The following CCDC38 variants were observed in gnomAD, a reference collection of about 807,000 sequenced individuals.
CCDC38 encodes the protein coiled-coil domain-containing protein 38.
CCDC38 carries 69 observed loss-of-function variants against 72.8 expected under a neutral mutation model. The observed-to-expected ratio is 0.95, with a 90% CI of 0.78 to 1.16. The LOEUF (loss-of-function observed/expected upper bound fraction) is 1.16. CCDC38 is among the 50% of genes most tolerant of loss of function. The pLI, the probability that CCDC38 is intolerant of heterozygous loss-of-function variation, is 0.00. For synonymous variants in CCDC38, 201 were observed against 213.2 expected (o/e 0.94, Z 0.50); for missense variants, 626 against 638.9 (o/e 0.98, Z 0.22).
At position 95,890,821 on chromosome 12, in the gene CCDC38, T is replaced by C. The variant is rs1161256291; in HGVS notation, c.871+11A>G. ...AGGTTTTACTTTCATGAGTCCCAAA[T>C]CTACCTTTACCTTGGCTGTCTCTTC... On this transcript the variant is annotated intron_variant, in intron 9 of 15. Coordinates refer to ENST00000344280, the MANE Select transcript of CCDC38 (RefSeq NM_182496.3). The C allele has an allele frequency of 1.3e-6, 2 of 1,546,028 alleles. No homozygotes were observed. Among genetic ancestry groups the C allele is most frequent in the East Asian group, 4.5e-5 (2 of 44,376 alleles).
intron 5 of CCDC38, among the ~76,000 whole-genome samples, chr12:95,905,887 A>G (rs2121490784): frequency 6.6e-6 from 1 of 152,304 alleles, no homozygotes; most frequent in African/African-American, 2.4e-5. Context: ...TATTTTTTAT[A>G]AAAGACTCCA....
intron 1 of CCDC38, among the ~76,000 whole-genome samples, chr12:95,938,651 T>C (rs2080418410): frequency 6.6e-6 from 1 of 152,216 alleles, no homozygotes; most frequent in African/African-American, 2.4e-5. Context: ...TACTTCCATA[T>C]GCATGAATTC....
At chr12:95,937,516 G>GA (rs2136747457) in intron 1 of CCDC38, among the ~76,000 whole-genome samples, 1 of 152,132 alleles carries the variant, frequency 6.6e-6, no homozygotes, top group South Asian at 2.1e-4. Context: ...GTTACAATGA[G>GA]AAAAATAATA....
Position 95,890,964 on chromosome 12 carries a change from G to C in CCDC38, c.773-34C>G, listed in dbSNP as rs747484352. 3.3e-6 allele frequency: 4 copies of C among 1,206,388 alleles called. No individual in the cohort carries two copies. The Admixed American group carries it at 7.0e-5, about 21-fold the overall frequency. 74.7% of individuals were successfully genotyped at this position (1,206,388 alleles called of 1,614,324 possible). A position where few individuals can be genotyped will look rare whatever the true frequency, so the allele number is the denominator to read the frequency against. ...GGCAAATGAAGAGGAGAGAGACAGA[G>C]AAAGATGGGGGGAAAAAAACACTGC... is the stretch of plus-strand genomic sequence containing the variant. On this transcript the variant is annotated intron_variant, in intron 8 of 15. Coordinates refer to ENST00000344280, the MANE Select transcript of CCDC38 (RefSeq NM_182496.3).
In CCDC38 at chr12:95,878,319, C is replaced by G; in HGVS notation, c.1170G>C (p.Glu390Asp). 1 of 1,613,100 alleles carries G rather than the reference C, an allele frequency of 6.2e-7. No homozygotes were observed. The highest frequency in any genetic ancestry group is 8.5e-7 in the Non-Finnish European group (1 of 1,179,618). The change falls in exon 13 of 16, where the codon GAG (glutamate) becomes GAC (aspartate). Residue 390 changes from glutamate to aspartate, a missense_variant. Glu to Asp is a conservative substitution (Grantham distance 45). Coordinates refer to ENST00000344280, the MANE Select transcript of CCDC38 (RefSeq NM_182496.3). ...AGTTAGCTTTAAGCATTTTTTCTTG[C>G]TCCAAAAGAAACTCTATGTTGCTAT... ...KTNSNIEFLL[E>D]QEKMLKANCV...
At chr12:95,943,156 GA>G (rs956533036), upstream of CCDC38, 3 of 489,190 alleles carry the variant, frequency 6.1e-6, no homozygotes, top group Non-Finnish European at 1.1e-5. Context: ...CTCGGGATGG[GA>G]CAAGACGACC....
chr12:95,868,649 C>T (rs1003911065), intron 15 of CCDC38, among the ~76,000 whole-genome samples: 2 of 152,242 alleles, frequency 1.3e-5, no homozygotes, highest in Middle Eastern at 3.4e-3. Context: ...AATCAGCATC[C>T]GCAATAGCTT....
intron 2 of CCDC38, among the ~76,000 whole-genome samples, chr12:95,925,222 G>A (rs2080255721): frequency 6.6e-6 from 1 of 152,116 alleles, no homozygotes; most frequent in Non-Finnish European, 1.5e-5. Context: ...TCCTTGAGCA[G>A]TGGTTTGTAG....
Position 95,873,823 on chromosome 12 carries a change from G to A in CCDC38, c.1279-1363C>T, listed in dbSNP as rs1592752936. Among the ~76,000 whole-genome samples, 5 of 152,294 alleles carry A rather than the reference G, an allele frequency of 3.3e-5. 1 individual carries two copies. Among genetic ancestry groups the A allele is most frequent in the Admixed American group, 3.3e-4 (5 of 15,294 alleles). ...CCAACACAATTACAAGCCAAGATCT[G>A]ATACCAAGAGTACTTCCAACAGCTT... On this transcript the variant is annotated intron_variant, in intron 13 of 15. Transcript: ENST00000344280.
At position 95,917,590 on chromosome 12, in the gene CCDC38, G is replaced by A. The variant is rs1178344716; in HGVS notation, c.139-296C>T. Among the ~76,000 whole-genome samples the A allele has an allele frequency of 2.6e-5, 4 of 152,082 alleles. No individual in the cohort carries two copies. The South Asian group carries it at 6.2e-4, about 24-fold the overall frequency. ...AATGCAGTTAAAATTTGGAAATTCC[G>A]GGCTGGGTGCGGTAGCTCATGTCTG... On this transcript the variant is annotated intron_variant, in intron 3 of 15. Transcript: ENST00000344280.
At chr12:95,899,295 T>TTTTTG (rs1168994013) in intron 5 of CCDC38, among the ~76,000 whole-genome samples, 4 of 152,122 alleles carry the variant, frequency 2.6e-5, no homozygotes, top group Non-Finnish European at 5.9e-5. Flanking sequence ...CATGTGGTGA[T>TTTTTG]TTTTGTTTTG....
chr12:95,914,122 G>A (rs760067127), intron 4 of CCDC38, among the ~76,000 whole-genome samples: 6 of 152,142 alleles, frequency 3.9e-5, no homozygotes, highest in Non-Finnish European at 7.3e-5. Flanking sequence ...ACAGGAGTTC[G>A]AGACCACCCT....
chr12:95,918,915 G>T lies in CCDC38; in HGVS notation c.99C>A (p.Leu33=). ...DRPYKIFFRD[L]FLVKENEMAA... ...CCATTTCATTTTCTTTGACAAGAAA[G>T]AGATCTCTGAAAAAGATCTTATAAG... Residue 33 remains leucine, a synonymous_variant, in exon 3 of 16, where the codon CTC becomes CTA. Transcript: ENST00000344280. 1 of 1,612,588 alleles carries T rather than the reference G, an allele frequency of 6.2e-7. No individual in the cohort carries two copies. The highest frequency in any genetic ancestry group is 8.5e-7 in the Non-Finnish European group (1 of 1,178,684).
intron 1 of CCDC38, among the ~76,000 whole-genome samples, chr12:95,940,766 T>C (rs1026870543): frequency 1.3e-5 from 2 of 152,012 alleles, no homozygotes; most frequent in Admixed American, 1.3e-4. Flanking sequence ...CACAGCACAA[T>C]GATGAGGAAA....
intron 4 of CCDC38, 35 bp downstream of exon 4, chr12:95,917,094 C>A: frequency 1.3e-6 from 2 of 1,530,656 alleles, no homozygotes; most frequent in South Asian, 1.3e-5. Flanking sequence ...AGTAAATATT[C>A]AAAATGATGT....
chr12:95,875,153 C>G (rs1471075495), intron 13 of CCDC38, among the ~76,000 whole-genome samples: 1 of 150,594 alleles, frequency 6.6e-6, no homozygotes, highest in African/African-American at 2.4e-5. Flanking sequence ...CAACAGAGTT[C>G]GAAAACAGGA....
At chr12:95,904,182 A>G (rs2079977979) in intron 5 of CCDC38, among the ~76,000 whole-genome samples, 1 of 152,216 alleles carries the variant, frequency 6.6e-6, no homozygotes, top group East Asian at 1.9e-4. Flanking sequence ...TATTAAATTC[A>G]TAATATGTCA....
At chr12:95,938,361 T>A (rs571708790) in intron 1 of CCDC38, among the ~76,000 whole-genome samples, 1 of 152,310 alleles carries the variant, frequency 6.6e-6, no homozygotes, top group East Asian at 1.9e-4. Context: ...CTCTTAGGAT[T>A]CTGATCACCT....
chr12:95,925,523 A>G (rs11513759), intron 2 of CCDC38, among the ~76,000 whole-genome samples: 4,102 of 152,168 alleles, frequency 0.027, 62 homozygotes, highest in Non-Finnish European at 0.042. Flanking sequence ...CTAATTGAAT[A>G]CCCTTTATTT....
Sources: allele counts gnomAD v4.1 joint callset (sites outside exome capture counted in the v4.1 genomes callset), GRCh38; gene constraint gnomAD v4.1.1; transcripts MANE v1.5; gene names NCBI Gene and HGNC (gene_info 2026-07-23, HGNC 2026-07-21).